Variants in LIPE observed in about 807,000 individuals in gnomAD.
LIPE encodes hormone-sensitive lipase.
A neutral mutation model predicts 88.5 loss-of-function variants in LIPE; 66 were observed. That is an observed-to-expected ratio of 0.75 (90% CI 0.61 to 0.91). The LOEUF (loss-of-function observed/expected upper bound fraction) is 0.91. LIPE is among the 40% of genes least tolerant of loss of function. The pLI is 0.00. For missense variants in LIPE, 1,346 were observed against 1,434.7 expected (o/e 0.94, Z 1.00); for synonymous variants, 570 against 617.5 (o/e 0.92, Z 1.14).
Position 42,410,441 on chromosome 19 carries a change from CGTA to C in LIPE, c.1282_1284del (p.Tyr428del). 1 of 1,614,146 alleles carries C rather than the reference CGTA, an allele frequency of 6.2e-7. No homozygotes were observed. Among genetic ancestry groups the C allele is most frequent in the Non-Finnish European group, 8.5e-7 (1 of 1,180,042 alleles). ...CGATTGGTAACCAGCAGGCGCTGGG[CGTA>C]GTAGACCAGAGCGCGGAGCTGGGTG... On this transcript the variant is annotated inframe_deletion, in exon 2 of 10. Transcript: ENST00000244289. This position sits in a 1 kb window ranked among gnomAD's most constrained non-coding sequence, Gnocchi z 6.1.
chr19:42,403,074 T>TTG, intron 8 of LIPE, 43 bp from the exon 9 acceptor site: 1 of 1,491,666 alleles, frequency 6.7e-7, no homozygotes, highest in Non-Finnish European at 8.9e-7. Flanking sequence ...GTTAGTTTGG[T>TTG]TGTGTGTGTG....
At chr19:42,405,357 G>A (rs1228717425) in intron 8 of LIPE, 28 bp downstream of exon 8, 1 of 1,606,864 alleles carries the variant, frequency 6.2e-7, no homozygotes, top group Non-Finnish European at 8.5e-7. Context: ...CACCCTGGCT[G>A]GGCATGTGAC....
intron 1 of LIPE, among the ~76,000 whole-genome samples, chr19:42,421,242 C>G (rs1051595514): frequency 6.6e-6 from 1 of 152,130 alleles, no homozygotes; most frequent in Non-Finnish European, 1.5e-5. Flanking sequence ...TCCTCTTCCT[C>G]TTCCTCCTGG....
intron 1 of LIPE, among the ~76,000 whole-genome samples, chr19:42,419,723 G>A (rs2040558491): frequency 6.6e-6 from 1 of 152,084 alleles, no homozygotes; most frequent in Non-Finnish European, 1.5e-5. Flanking sequence ...GGGGATGGAG[G>A]AAGGGCCAGG....
At position 42,423,472 on chromosome 19, in the gene LIPE, T is replaced by G. The variant is rs1773943910; in HGVS notation, c.883+2795A>C. ...GCGACCGTGGCTCCTTGAGCCCTCTTTGGCATTCTTCGAGGCCGGGGCCAT... is the reference window on the plus strand; with the variant it reads ...GCGACCGTGGCTCCTTGAGCCCTCTGTGGCATTCTTCGAGGCCGGGGCCAT... On this transcript the variant is annotated intron_variant, in intron 1 of 9. Transcript: ENST00000244289. 3 of 1,288,638 alleles carry G rather than the reference T, an allele frequency of 2.3e-6. No homozygotes were observed. In the African/African-American group the frequency reaches 4.6e-5, roughly 20 times the overall value. 79.8% of individuals were successfully genotyped at this position (1,288,638 alleles called of 1,614,324 possible). A position where few individuals can be genotyped will look rare whatever the true frequency, so the allele number is the denominator to read the frequency against.
In LIPE at chr19:42,407,519, G is replaced by A. The variant is rs1331156701; in HGVS notation, c.1843-51C>T. On this transcript the variant is annotated intron_variant, in intron 5 of 9. Transcript: ENST00000244289. This position sits in a 1 kb window ranked among gnomAD's most constrained non-coding sequence, Gnocchi z 5.8. ...GTGAGGTTGGGGAGAGCTGGCCAGGGCTGCACCCCTCCATGGGGATGCCAA... is the reference window on the plus strand; with the variant it reads ...GTGAGGTTGGGGAGAGCTGGCCAGGACTGCACCCCTCCATGGGGATGCCAA... 6.3e-7 allele frequency: 1 copy of A among 1,584,704 alleles called. No individual in the cohort carries two copies.
chr19:42,417,216 G>A (rs537762044), intron 1 of LIPE, among the ~76,000 whole-genome samples: 25 of 152,118 alleles, frequency 1.6e-4, no homozygotes, highest in African/African-American at 4.1e-4. Flanking sequence ...CACTGCGCCC[G>A]GCCAATTTCA....
At chr19:42,421,936 C>T (rs2040606289) in intron 1 of LIPE, among the ~76,000 whole-genome samples, 3 of 152,332 alleles carry the variant, frequency 2.0e-5, no homozygotes, top group South Asian at 4.1e-4. Context: ...GTGAATGGCT[C>T]GTTTTGCAGG....
In LIPE at chr19:42,427,333, G is replaced by C. The variant is rs1000818613; in HGVS notation, c.-184C>G. The stretch of plus-strand genomic sequence containing the variant: ...AGCTGGCAGTTGGCCGATCACAGCT[G>C]GCCCCCACTAAGTAATGAACTCTGT... On this transcript the variant is annotated 5_prime_UTR_variant, in exon 1 of 10. Transcript: ENST00000244289. 5.2e-6 allele frequency: 6 copies of C among 1,155,106 alleles called. No individual in the cohort carries two copies. In the South Asian group the frequency reaches 1.2e-4, roughly 22 times the overall value. 71.6% of individuals were successfully genotyped at this position (1,155,106 alleles called of 1,614,324 possible).
chr19:42,407,213 A>C lies in LIPE; in HGVS notation c.2098T>G (p.Phe700Val). The C allele has an allele frequency of 6.4e-7, 1 of 1,553,010 alleles. No individual in the cohort carries two copies. Among genetic ancestry groups the C allele is most frequent in the African/African-American group, 1.4e-5 (1 of 73,672 alleles). The change falls in exon 6 of 10, where the codon TTC becomes GTC. Residue 700 changes from phenylalanine to valine, a missense_variant. By Grantham distance (50) the Phe-to-Val change is conservative. Transcript: ENST00000244289. The surrounding 1 kb of genome is among the most constrained non-coding windows in gnomAD (Gnocchi z 5.8). Reference protein sequence around the residue: ...PFPRALEECFFAYCWAIKHCA... With the variant: ...PFPRALEECFVAYCWAIKHCA... ...TGCTTGATGGCCCAGCAGTAGGCGA[A>C]GAAGCACTCCTCCAGCGCACGGGGG...
In LIPE at chr19:42,405,552, G is replaced by C; in HGVS notation, c.2375C>G (p.Thr792Arg). ...CTGGTCTGAGTTGGAGTGGTCCTCC[G>C]TCTTTGCACCTGCAGAATATATGTG... ...KCVSAYAGAK[T>R]EDHSNSDQKA... The change falls in exon 8 of 10, where the codon ACG (threonine) becomes AGG (arginine). Residue 792 changes from threonine to arginine, a missense_variant. Transcript: ENST00000244289. 1 of 1,612,926 alleles carries C rather than the reference G, an allele frequency of 6.2e-7. No homozygotes were observed. Among genetic ancestry groups the C allele is most frequent in the Non-Finnish European group, 8.5e-7 (1 of 1,179,118 alleles).
chr19:42,416,080 C>T (rs1157740717), intron 1 of LIPE, among the ~76,000 whole-genome samples: 2 of 151,740 alleles, frequency 1.3e-5, no homozygotes, highest in Non-Finnish European at 2.9e-5. Flanking sequence ...TCGTGGCTCA[C>T]GATTGTAATC....
chr19:42,405,583 C>G, intron 7 of LIPE, 22 bp from the exon 8 acceptor site: 1 of 1,596,388 alleles, frequency 6.3e-7, no homozygotes, highest in African/African-American at 1.3e-5. Flanking sequence ...ATGTGGGTAG[C>G]TGAGTTGTTT....
rs771746830 is a variant in LIPE at position 42,426,421 on chromosome 19, G to GTCTGAAGATGATCCCACATCTGAT, written c.705_728dup (p.Glu235_Ser242dup). On this transcript the variant is annotated inframe_insertion, in exon 1 of 10. Coordinates refer to ENST00000244289, the MANE Select transcript of LIPE (RefSeq NM_005357.4). ...CACCCATCGTGGCTGGAGAATCTGT[G>GTCTGAAGATGATCCCACATCTGAT]TCTGAAGATGATCCCACATCTGATT... is the stretch of plus-strand genomic sequence containing the variant. 35 of 1,614,094 alleles carry GTCTGAAGATGATCCCACATCTGAT rather than the reference G, an allele frequency of 2.2e-5. No individual in the cohort carries two copies. In the South Asian group the frequency reaches 3.7e-4, roughly 17 times the overall value.
Position 42,426,503 on chromosome 19 carries a change from T to A in LIPE, c.647A>T (p.Gln216Leu). 6.2e-7 allele frequency: 1 copy of A among 1,614,212 alleles called. No homozygotes were observed. The highest frequency in any genetic ancestry group is 1.1e-5 in the South Asian group (1 of 91,090). The stretch of plus-strand genomic sequence containing the variant: ...TGCCTTCCACTCTAGGGCTGATCGC[T>A]GTATGGATAGTTCCTGAAGTTTTGT... ...FLTKLQELSI[Q>L]RSALEWKALS... The change falls in exon 1 of 10, where the codon CAG becomes CTG. Residue 216 changes from glutamine to leucine, a missense_variant. Coordinates refer to ENST00000244289, the MANE Select transcript of LIPE (RefSeq NM_005357.4).
intron 7 of LIPE, 108 bp from the exon 8 acceptor site, chr19:42,405,669 G>T: frequency 9.0e-7 from 1 of 1,106,340 alleles, no homozygotes; most frequent in Non-Finnish European, 1.3e-6. Flanking sequence ...ATATCCAATC[G>T]CTTCAAAAGG....
chr19:42,420,643 TCTGGAAC>T (rs1202836889), intron 1 of LIPE, among the ~76,000 whole-genome samples: 2 of 151,874 alleles, frequency 1.3e-5, no homozygotes, highest in African/African-American at 4.8e-5. Flanking sequence ...ACTAAAGGCC[TCTGGAAC>T]CTGGCCCTTC....
At chr19:42,423,539 A>G (rs1364467082) in intron 1 of LIPE, 6 of 1,249,508 alleles carry the variant, frequency 4.8e-6, no homozygotes, top group Non-Finnish European at 6.2e-6. Flanking sequence ...AACTCCATCA[A>G]TTCCCCGCGG....
At position 42,425,125 on chromosome 19, in the gene LIPE, C is replaced by T. The variant is rs2040684417; in HGVS notation, c.883+1142G>A. ...TGGCAGGGAGCAGGTATCTTCCTGG[C>T]AGAAGAGGACAGACCTGGTAAACTG... On this transcript the variant is annotated intron_variant, in intron 1 of 9. Transcript: ENST00000244289. The T allele has an allele frequency of 5.9e-5, 11 of 185,210 alleles. No individual in the cohort carries two copies. The South Asian group carries it at 1.1e-3, about 18-fold the overall frequency. The allele number at this position is 185,210 out of a possible 1,614,324, so 11.5% of individuals were successfully genotyped here.
Sources: gnomAD v4.1 joint callset for allele counts (sites outside exome capture counted in the v4.1 genomes callset) on GRCh38, gnomAD v4.1.1 for gene constraint, Gnocchi (gnomAD v3.1) non-coding constraint, MANE v1.5 for transcripts, NCBI Gene and HGNC (gene_info 2026-07-23, HGNC 2026-07-21) for gene names.